The following PCDH11X variants were observed in gnomAD, a reference collection of about 807,000 sequenced individuals.
PCDH11X encodes the protein protocadherin 11 X-linked, also known as protocadherin-11 X-linked.
In PCDH11X, 18 loss-of-function variants were observed where a neutral mutation model predicts 53.3. The ratio of observed to expected loss-of-function variants is 0.34; its 90% CI spans 0.23 to 0.50. PCDH11X has a LOEUF of 0.50. Among genes scored for constraint, PCDH11X ranks in the 20% least tolerant of loss-of-function variants. The pLI, the probability that PCDH11X is intolerant of heterozygous loss-of-function variation, is 0.98. For missense variants in PCDH11X, 570 were observed against 1,032.4 expected (o/e 0.55, Z 6.14); for synonymous variants, 279 against 393.3 (o/e 0.71, Z 3.44).
chrX:91,858,565 C>G (rs1414526219), intron 5 of PCDH11X, among the ~76,000 whole-genome samples: 1 of 111,127 alleles, frequency 9.0e-6, no homozygotes, highest in Non-Finnish European at 1.9e-5. Flanking sequence ...ATACATAACA[C>G]TGAATGCTTT....
At chrX:92,232,605 AT>A (rs2067096209) in intron 7 of PCDH11X, among the ~76,000 whole-genome samples, 1 of 112,086 alleles carries the variant, frequency 8.9e-6, no homozygotes, top group South Asian at 3.7e-4. Context: ...GTATTCACTT[AT>A]TTTTTCAGAT....
intron 6 of PCDH11X, among the ~76,000 whole-genome samples, chrX:91,938,181 T>C (rs2061466815): frequency 9.0e-6 from 1 of 111,621 alleles, no homozygotes; most frequent in South Asian, 3.7e-4. Flanking sequence ...CATAAGTGTT[T>C]TCACCAGATA....
chrX:92,555,686 T>C (rs1240515055), intron 10 of PCDH11X, among the ~76,000 whole-genome samples: 1 of 111,542 alleles, frequency 9.0e-6, no homozygotes, highest in Non-Finnish European at 1.9e-5. Flanking sequence ...GCTTGGTATT[T>C]GGATAGCACT....
chrX:92,351,486 T>G (rs1324070401), intron 8 of PCDH11X, among the ~76,000 whole-genome samples: 2 of 111,646 alleles, frequency 1.8e-5, no homozygotes, highest in African/African-American at 6.5e-5. Context: ...TTGAATAATT[T>G]TCTAAGATCT....
intron 6 of PCDH11X, among the ~76,000 whole-genome samples, chrX:92,096,438 ATGTGTGTGTGTGTG>A (rs10591250): frequency 2.1e-5 from 2 of 94,414 alleles, no homozygotes; most frequent in East Asian, 3.4e-4. Flanking sequence ...GTGTATGTGT[ATGTGTGTGTGTGTG>A]TGTGTGTGTG....
intron 6 of PCDH11X, among the ~76,000 whole-genome samples, chrX:92,198,614 ATCTT>A (rs2066337951): frequency 9.0e-6 from 1 of 110,529 alleles, no homozygotes; most frequent in Admixed American, 9.8e-5. Context: ...CAATCAAATT[ATCTT>A]TCTTCATAAG....
At chrX:92,377,366 G>A (rs2070775322) in intron 8 of PCDH11X, among the ~76,000 whole-genome samples, 1 of 110,068 alleles carries the variant, frequency 9.1e-6, no homozygotes. Flanking sequence ...ATCTCTTTTA[G>A]CAATATTTTT....
At chrX:92,327,631 C>A (rs976492361) in intron 8 of PCDH11X, among the ~76,000 whole-genome samples, 6 of 107,707 alleles carry the variant, frequency 5.6e-5, no homozygotes, top group Non-Finnish European at 9.6e-5. Flanking sequence ...TTTCAGAATT[C>A]AATTATTGAA....
intron 7 of PCDH11X, among the ~76,000 whole-genome samples, chrX:92,204,137 G>A (rs954225878): frequency 8.9e-6 from 1 of 111,787 alleles, no homozygotes; most frequent in African/African-American, 3.3e-5. Flanking sequence ...TCTTGGTTCT[G>A]TGATGGCAGG....
At chrX:92,336,771 G>A (rs889656537) in intron 8 of PCDH11X, among the ~76,000 whole-genome samples, 3 of 111,471 alleles carry the variant, frequency 2.7e-5, no homozygotes, top group African/African-American at 9.8e-5. Context: ...ATCTCTTTCA[G>A]TAAGAATTTT....
intron 6 of PCDH11X, among the ~76,000 whole-genome samples, chrX:91,975,263 G>A (rs1459198198): frequency 8.9e-6 from 1 of 111,977 alleles, no homozygotes; most frequent in Non-Finnish European, 1.9e-5. Flanking sequence ...AATGTGAAAT[G>A]TAAGAAAAAT....
rs575648107 is a variant in PCDH11X, at chrX:92,280,904, T to C, written c.3144+17761T>C. The stretch of plus-strand genomic sequence containing the variant: ...TCAATACCAAAATAAATCAGTGAGA[T>C]AGGAAAAATAAACATTGTTTTCAGC... On this transcript the variant is annotated intron_variant, in intron 8 of 10. Transcript: ENST00000682573. Among the ~76,000 whole-genome samples, 29 of 110,774 alleles carry C rather than the reference T, an allele frequency of 2.6e-4. No individual in the cohort carries two copies. The South Asian group carries it at 0.011, about 42-fold the overall frequency.
intron 6 of PCDH11X, among the ~76,000 whole-genome samples, chrX:92,064,217 G>A (rs1324971502): frequency 1.9e-5 from 2 of 106,452 alleles, no homozygotes; most frequent in African/African-American, 6.8e-5. Context: ...CAGCATGGGT[G>A]GGTCACTGGT....
intron 8 of PCDH11X, among the ~76,000 whole-genome samples, chrX:92,321,305 G>C (rs1225526182): frequency 9.6e-6 from 1 of 104,619 alleles, no homozygotes; most frequent in Non-Finnish European, 1.9e-5. Flanking sequence ...CCATTCTCCT[G>C]CCTCAGCCTC....
chrX:91,900,793 C>T (rs1227979612), intron 6 of PCDH11X, among the ~76,000 whole-genome samples: 1 of 110,261 alleles, frequency 9.1e-6, no homozygotes, highest in East Asian at 2.9e-4. Flanking sequence ...ACATTTATAC[C>T]AAGTATGTCT....
chrX:92,263,332 C>T (rs763535803), intron 8 of PCDH11X, among the ~76,000 whole-genome samples, 189 bp downstream of exon 8: 69 of 111,437 alleles, frequency 6.2e-4, no homozygotes, highest in African/African-American at 1.8e-3. Context: ...GAAACAATTT[C>T]GAGTCTCGTT....
chrX:92,291,761 A>G (rs962587153), intron 8 of PCDH11X, among the ~76,000 whole-genome samples: 2 of 109,822 alleles, frequency 1.8e-5, no homozygotes, highest in African/African-American at 3.3e-5. Flanking sequence ...TGGAAAAGTC[A>G]TATCTTGGAC....
At chrX:92,015,379 C>T (rs1602683307) in intron 6 of PCDH11X, among the ~76,000 whole-genome samples, 1 of 111,982 alleles carries the variant, frequency 8.9e-6, no homozygotes, top group East Asian at 2.8e-4. Flanking sequence ...CATTGATTGG[C>T]TCTTCCTTTC....
intron 6 of PCDH11X, among the ~76,000 whole-genome samples, chrX:92,198,859 A>C (rs2148319235): frequency 9.0e-6 from 1 of 111,523 alleles, no homozygotes; most frequent in South Asian, 3.7e-4. Flanking sequence ...TTTTTGACAA[A>C]AAAAATTGGA....
Sources: allele counts gnomAD v4.1 joint callset (sites outside exome capture counted in the v4.1 genomes callset), GRCh38; gene constraint gnomAD v4.1.1; transcripts MANE v1.5; gene names NCBI Gene and HGNC (gene_info 2026-07-23, HGNC 2026-07-21).